The following SMAGP variants were observed in gnomAD, a reference collection of about 807,000 sequenced individuals.
The protein encoded by SMAGP is small cell adhesion glycoprotein.
SMAGP carries 7 observed loss-of-function variants against 10.1 expected under a neutral mutation model. That is an observed-to-expected ratio of 0.70 (90% CI 0.40 to 1.31). The LOEUF (loss-of-function observed/expected upper bound fraction) is 1.31. Ranked by LOEUF, SMAGP falls within the 50% of genes most tolerant of loss-of-function variation. The pLI is 0.01. For synonymous variants in SMAGP, 49 were observed against 47.2 expected (o/e 1.04, Z -0.16); for missense variants, 113 against 116.5 (o/e 0.97, Z 0.14).
At chr12:51,259,437 A>G (rs746409056) in intron 2 of SMAGP, among the ~76,000 whole-genome samples, 7 of 152,196 alleles carry the variant, frequency 4.6e-5, no homozygotes, top group South Asian at 2.1e-4. Flanking sequence ...TAAAGGCTTC[A>G]AAGCTAGAGG....
At chr12:51,250,204 C>CAA (rs11289025) in intron 2 of SMAGP, among the ~76,000 whole-genome samples, 3,742 of 98,898 alleles carry the variant, frequency 0.038, 237 homozygotes, top group African/African-American at 0.13. Context: ...ACTCTGTCTA[C>CAA]AAAAAAAAAA....
At chr12:51,255,250 C>T (rs995407307) in intron 2 of SMAGP, among the ~76,000 whole-genome samples, 12 of 151,956 alleles carry the variant, frequency 7.9e-5, no homozygotes, top group Admixed American at 2.0e-4. Context: ...TGCCCAGGCT[C>T]GTCTCAAAAC....
chr12:51,248,399 TACACACAC>T (rs71443213), intron 2 of SMAGP, among the ~76,000 whole-genome samples: 42 of 132,370 alleles, frequency 3.2e-4, no homozygotes, highest in Admixed American at 1.1e-3. Flanking sequence ...TGTGGTGTTT[TACACACAC>T]ACACACACAC....
chr12:51,260,677 CAAT>C (rs1944924931), intron 2 of SMAGP, among the ~76,000 whole-genome samples: 1 of 127,048 alleles, frequency 7.9e-6, no homozygotes, highest in African/African-American at 3.0e-5. Context: ...CGCGCCCGGC[CAAT>C]TTTTTTTTTT....
chr12:51,250,622 T>C (rs1944829287), intron 2 of SMAGP, among the ~76,000 whole-genome samples: 1 of 151,564 alleles, frequency 6.6e-6, no homozygotes. Context: ...CCTCAAGCAA[T>C]CTTCCTGCCT....
chr12:51,265,302 T>C (rs1425998117), intron 2 of SMAGP, among the ~76,000 whole-genome samples: 3 of 152,206 alleles, frequency 2.0e-5, no homozygotes, highest in South Asian at 2.1e-4. Context: ...TGCAAACCTA[T>C]ATGGTGGATC....
chr12:51,247,251 C>T (rs1944785648), intron 2 of SMAGP, among the ~76,000 whole-genome samples: 1 of 152,092 alleles, frequency 6.6e-6, no homozygotes, highest in African/African-American at 2.4e-5. Context: ...CATATTTTTA[C>T]AATAAGTGAG....
intron 2 of SMAGP, among the ~76,000 whole-genome samples, chr12:51,255,316 C>T (rs562378126): frequency 6.6e-6 from 1 of 152,262 alleles, no homozygotes; most frequent in South Asian, 2.1e-4. Flanking sequence ...GGATTACAGG[C>T]ATGTGCCACT....
intron 3 of SMAGP, 129 bp downstream of exon 3, chr12:51,246,622 G>A (rs1944775217): frequency 1.7e-6 from 1 of 574,416 alleles, no homozygotes; most frequent in African/African-American, 2.0e-5. Flanking sequence ...GTGTGTGTGT[G>A]TGTGTGTGTG....
In SMAGP at chr12:51,246,835, GA is replaced by G; in HGVS notation, c.35-5del. ...ATTGGGGTGGTCATCAGTTCTTCTGGAAAATGTAGAAAAGTGGAAAAGGAAA... is the reference window on the plus strand; with the variant it reads ...ATTGGGGTGGTCATCAGTTCTTCTGGAAATGTAGAAAAGTGGAAAAGGAAA... On this transcript the variant is annotated splice_region_variant and splice_polypyrimidine_tract_variant and intron_variant, in intron 2 of 3. Transcript: ENST00000603798. The G allele has an allele frequency of 6.4e-7, 1 of 1,553,466 alleles. No individual in the cohort carries two copies. Among genetic ancestry groups the G allele is most frequent in the Admixed American group, 2.0e-5 (1 of 49,254 alleles).
chr12:51,246,240 T>C, intron 3 of SMAGP, 121 bp from the exon 4 acceptor site: 4 of 1,391,254 alleles, frequency 2.9e-6, no homozygotes, highest in Non-Finnish European at 3.9e-6. Context: ...TTAACTAGTG[T>C]CCACTTCCAT....
rs925841780 is a variant in SMAGP, at chr12:51,244,924, A to C, written c.*1017T>G. 2 of 147,166 alleles carry C rather than the reference A, an allele frequency of 1.4e-5. No homozygotes were observed. The highest frequency in any genetic ancestry group is 3.0e-5 in the Non-Finnish European group (2 of 67,580). The allele number at this position is 147,166 out of a possible 1,614,324, so 9.1% of individuals were successfully genotyped here. A position where few individuals can be genotyped will look rare whatever the true frequency, so the allele number is the denominator to read the frequency against. On this transcript the variant is annotated 3_prime_UTR_variant, in exon 4 of 4. Transcript: ENST00000603798. ...ACTGCAAGCTCCGCCTCCTGGGTTC[A>C]AGCCATTCTCCTGCCTCAGCCTCCC...
At chr12:51,254,659 T>C (rs377277811) in intron 2 of SMAGP, among the ~76,000 whole-genome samples, 1 of 152,030 alleles carries the variant, frequency 6.6e-6, no homozygotes, top group African/African-American at 2.4e-5. Context: ...TGGGATGTGG[T>C]TGGAGTTGTG....
At chr12:51,248,436 T>TCTCA (rs1231897033) in intron 2 of SMAGP, among the ~76,000 whole-genome samples, 61 of 25,614 alleles carry the variant, frequency 2.4e-3, no homozygotes, top group African/African-American at 8.3e-3. Context: ...ACACACACAC[T>TCTCA]CTCTCTCTCT....
At chr12:51,264,842 G>T (rs997601669) in intron 2 of SMAGP, among the ~76,000 whole-genome samples, 4 of 149,986 alleles carry the variant, frequency 2.7e-5, no homozygotes, top group African/African-American at 9.8e-5. Context: ...TGAGGCAGGA[G>T]AATTGCTTGA....
At chr12:51,260,407 C>T (rs1418913634) in intron 2 of SMAGP, among the ~76,000 whole-genome samples, 5 of 151,594 alleles carry the variant, frequency 3.3e-5, no homozygotes, top group Non-Finnish European at 7.4e-5. Context: ...GACGGAGTCT[C>T]GCTCTGTCAC....
At chr12:51,263,514 A>G (rs771082214) in intron 2 of SMAGP, among the ~76,000 whole-genome samples, 5 of 152,142 alleles carry the variant, frequency 3.3e-5, no homozygotes, top group Non-Finnish European at 5.9e-5. Flanking sequence ...CTGCTTTGGG[A>G]GGCTGAGATG....
At chr12:51,261,119 G>A (rs781199481) in intron 2 of SMAGP, among the ~76,000 whole-genome samples, 40 of 113,448 alleles carry the variant, frequency 3.5e-4, no homozygotes, top group Non-Finnish European at 4.8e-4. Context: ...TTTCTGAGAC[G>A]GAGTCTCACT....
intron 2 of SMAGP, among the ~76,000 whole-genome samples, chr12:51,261,932 TAA>T (rs142814908): frequency 0.67 from 97,657 of 146,152 alleles, 35,966 homozygotes; most frequent in Non-Finnish European, 0.85. Flanking sequence ...CATCTTTGTT[TAA>T]AAAAAAAAAA....
Sources: gnomAD v4.1 joint callset for allele counts (sites outside exome capture counted in the v4.1 genomes callset) on GRCh38, gnomAD v4.1.1 for gene constraint, MANE v1.5 for transcripts, NCBI Gene and HGNC (gene_info 2026-07-23, HGNC 2026-07-21) for gene names.